The following PDE3B variants were observed in gnomAD, a reference collection of about 807,000 sequenced individuals.
PDE3B encodes cGMP-inhibited 3',5'-cyclic phosphodiesterase 3B.
A neutral mutation model predicts 116.8 loss-of-function variants in PDE3B; 66 were observed. That is an observed-to-expected ratio of 0.56 (90% CI 0.46 to 0.69). The LOEUF is 0.69. Ranked by LOEUF, PDE3B falls within the 30% of genes least tolerant of loss-of-function variation. The probability of loss-of-function intolerance (pLI) is 0.00; values close to 1 mark genes in which losing one functional copy is unlikely to be tolerated. For missense variants in PDE3B, 1,384 were observed against 1,368.1 expected (o/e 1.01, Z -0.18); for synonymous variants, 595 against 533.6 (o/e 1.12, Z -1.59).
intron 14 of PDE3B, among the ~76,000 whole-genome samples, chr11:14,863,870 T>G (rs1475564339): frequency 1.3e-5 from 2 of 152,150 alleles, no homozygotes; most frequent in Non-Finnish European, 2.9e-5. Context: ...GTAAAGACCA[T>G]GGACACTATG....
intron 1 of PDE3B, among the ~76,000 whole-genome samples, chr11:14,685,492 G>A (rs1193701822): frequency 9.4e-6 from 1 of 106,496 alleles, no homozygotes; most frequent in East Asian, 2.8e-4. Context: ...GTCTTGCTCT[G>A]TTACCTGGGC....
At chr11:14,814,446 A>C (rs1177860247) in intron 5 of PDE3B, among the ~76,000 whole-genome samples, 1 of 152,174 alleles carries the variant, frequency 6.6e-6, no homozygotes, top group East Asian at 1.9e-4. Context: ...ATATTACTCT[A>C]TACTATCAGA....
intron 1 of PDE3B, among the ~76,000 whole-genome samples, chr11:14,668,051 A>T (rs1442871521): frequency 6.6e-6 from 1 of 151,900 alleles, no homozygotes; most frequent in Non-Finnish European, 1.5e-5. Flanking sequence ...AAAAGGTTTG[A>T]AGCATACAAT....
chr11:14,848,058 T>C lies in PDE3B; in HGVS notation c.2520+4032T>C, dbSNP rs1385526005. 1.4e-4 allele frequency among the ~76,000 whole-genome samples: 21 copies of C among 150,298 alleles called. No individual in the cohort carries two copies. The East Asian group carries it at 3.7e-3, about 27-fold the overall frequency. On this transcript the variant is annotated intron_variant, in intron 12 of 15. Coordinates refer to ENST00000282096, the MANE Select transcript of PDE3B (RefSeq NM_000922.4). ...CAAAAAAGAGAATTTTAGACCAATA[T>C]CCTTGATGAACATTGATGCAAAAAT...
chr11:14,844,440 G>A (rs904209117), intron 12 of PDE3B, among the ~76,000 whole-genome samples: 11 of 152,208 alleles, frequency 7.2e-5, no homozygotes, highest in East Asian at 1.9e-4. Flanking sequence ...CATTTCCATC[G>A]GAGGTACCAG....
intron 1 of PDE3B, among the ~76,000 whole-genome samples, chr11:14,759,121 C>G (rs530120775): frequency 1.4e-3 from 219 of 152,228 alleles, no homozygotes; most frequent in African/African-American, 4.8e-3. Flanking sequence ...ATGAAGCCCA[C>G]TTGATCATGG....
At chr11:14,879,581 A>T in the PDE3B span, 3 of 639,712 alleles carry the variant, frequency 4.7e-6, no homozygotes, top group Non-Finnish European at 5.5e-6. Flanking sequence ...ATTTTTTATT[A>T]TCTGGGCGTT....
At chr11:14,817,285 G>T (rs1859363710) in intron 5 of PDE3B, among the ~76,000 whole-genome samples, 1 of 151,780 alleles carries the variant, frequency 6.6e-6, no homozygotes, top group South Asian at 2.1e-4. Context: ...GGGGCCTATA[G>T]TGGGGTGGGG....
the PDE3B span, chr11:14,891,103 TCCCAGGA>T: frequency 1.0e-5 from 10 of 985,268 alleles, no homozygotes; most frequent in Non-Finnish European, 1.2e-5. Context: ...GTGAGCTCTG[TCCCAGGA>T]CCCGTGGAAA....
At chr11:14,700,084 G>A (rs1855320661) in intron 1 of PDE3B, among the ~76,000 whole-genome samples, 1 of 151,732 alleles carries the variant, frequency 6.6e-6, no homozygotes, top group East Asian at 1.9e-4. Flanking sequence ...TGGAGTTAAA[G>A]TGTTGGCCTG....
chr11:14,884,985 T>C, the PDE3B span, among the ~76,000 whole-genome samples: 1 of 152,170 alleles, frequency 6.6e-6, no homozygotes, highest in Non-Finnish European at 1.5e-5. Context: ...CTTTTACAAT[T>C]TGTGCTTTCT....
chr11:14,829,395 A>G (rs948297054), intron 7 of PDE3B, among the ~76,000 whole-genome samples: 3 of 152,146 alleles, frequency 2.0e-5, no homozygotes, highest in Admixed American at 1.3e-4. Flanking sequence ...TCCAGATTCT[A>G]TTTTACTATA....
chr11:14,746,531 A>C (rs532797588), intron 1 of PDE3B, among the ~76,000 whole-genome samples: 1 of 152,336 alleles, frequency 6.6e-6, no homozygotes, highest in South Asian at 2.1e-4. Flanking sequence ...ACAACTCTGA[A>C]GGGATGTCTT....
At chr11:14,829,018 A>G (rs1464544073) in intron 7 of PDE3B, among the ~76,000 whole-genome samples, 1 of 152,156 alleles carries the variant, frequency 6.6e-6, no homozygotes, top group Non-Finnish European at 1.5e-5. Flanking sequence ...AGGGACATGG[A>G]TGGAACTGGA....
intron 7 of PDE3B, among the ~76,000 whole-genome samples, chr11:14,828,536 A>G (rs1859772822): frequency 6.6e-6 from 1 of 152,212 alleles, no homozygotes; most frequent in Non-Finnish European, 1.5e-5. Flanking sequence ...AGACATACAT[A>G]TGGGCAACAA....
chr11:14,665,067 A>C lies in PDE3B; in HGVS notation c.978+20014A>C, dbSNP rs181600608. Among the ~76,000 whole-genome samples, 208 of 152,254 alleles carry C rather than the reference A, an allele frequency of 1.4e-3. 3 individuals carry two copies. Among genetic ancestry groups the C allele is most frequent in the East Asian group, 6.9e-3 (36 of 5,188 alleles). ...AGCAGCACATCAAAAAGCTTATCCA[A>C]CATGATCAAGTGGGCTTCATCCCTG... is the stretch of plus-strand genomic sequence containing the variant. On this transcript the variant is annotated intron_variant, in intron 1 of 15. Coordinates refer to ENST00000282096, the MANE Select transcript of PDE3B (RefSeq NM_000922.4).
chr11:14,856,425 T>C (rs1163999736), intron 12 of PDE3B, among the ~76,000 whole-genome samples: 3 of 152,150 alleles, frequency 2.0e-5, no homozygotes, highest in Admixed American at 6.5e-5. Context: ...CTTTACCCTA[T>C]AAAAAAACAA....
chr11:14,806,551 A>G (rs1160693465), intron 5 of PDE3B, among the ~76,000 whole-genome samples: 1 of 151,798 alleles, frequency 6.6e-6, no homozygotes, highest in African/African-American at 2.4e-5. Context: ...ATGTCCATCA[A>G]TAATAGACTG....
At chr11:14,780,207 A>G (rs553112756) in intron 2 of PDE3B, among the ~76,000 whole-genome samples, 1 of 152,312 alleles carries the variant, frequency 6.6e-6, no homozygotes, top group South Asian at 2.1e-4. Flanking sequence ...CTCCCACACA[A>G]TAATAATGGG....
Sources: allele counts gnomAD v4.1 joint callset (sites outside exome capture counted in the v4.1 genomes callset), GRCh38; gene constraint gnomAD v4.1.1; transcripts MANE v1.5; gene names NCBI Gene and HGNC (gene_info 2026-07-23, HGNC 2026-07-21).